The following HERC3 variants were observed in gnomAD, a reference collection of about 807,000 sequenced individuals.
The protein encoded by HERC3 is HECT and RLD domain containing E3 ubiquitin protein ligase 3.
HERC3 carries 58 observed loss-of-function variants against 129.9 expected under a neutral mutation model. The observed-to-expected ratio is 0.45, with a 90% CI of 0.36 to 0.56. The LOEUF (loss-of-function observed/expected upper bound fraction) is 0.56, where lower values mean the gene tolerates loss of function less well. Ranked by LOEUF, HERC3 falls within the 20% of genes least tolerant of loss-of-function variation. The pLI, the probability that HERC3 is intolerant of heterozygous loss-of-function variation, is 0.00. For missense variants in HERC3, 835 were observed against 1,244.2 expected (o/e 0.67, Z 4.95); for synonymous variants, 430 against 451.0 (o/e 0.95, Z 0.59).
intron 11 of HERC3, among the ~76,000 whole-genome samples, chr4:88,663,643 A>G (rs1302953906): frequency 6.6e-6 from 1 of 152,156 alleles, no homozygotes; most frequent in East Asian, 1.9e-4. Context: ...GGGCCCTCAG[A>G]ATTAGCTGTT....
intron 20 of HERC3, chr4:88,680,932 T>A: frequency 1.4e-6 from 1 of 731,304 alleles, no homozygotes; most frequent in Non-Finnish European, 1.7e-6. Flanking sequence ...TCTAGATGAC[T>A]GTGAGCTGTT....
chr4:88,574,989 T>TA, the HERC3 span, among the ~76,000 whole-genome samples: 1 of 152,166 alleles, frequency 6.6e-6, no homozygotes, highest in Non-Finnish European at 1.5e-5. Context: ...TTCAGAATAT[T>TA]AAAAAAACTT....
chr4:88,681,386 T>G, intron 21 of HERC3, 61 bp downstream of exon 21: 1 of 1,424,610 alleles, frequency 7.0e-7, no homozygotes, highest in Non-Finnish European at 9.7e-7. Flanking sequence ...GCATGAGGAT[T>G]AAAGGTTGAA....
chr4:88,675,749 G>T (rs957514934), intron 16 of HERC3, among the ~76,000 whole-genome samples: 3 of 151,602 alleles, frequency 2.0e-5, no homozygotes, highest in South Asian at 4.2e-4. Flanking sequence ...TTTTTAGAAA[G>T]ACCTGAAATT....
intron 2 of HERC3, among the ~76,000 whole-genome samples, chr4:88,602,075 A>G (rs1348566463): frequency 6.9e-6 from 1 of 144,848 alleles, no homozygotes; most frequent in Non-Finnish European, 1.5e-5. Flanking sequence ...AAAAAAAAAG[A>G]AAAGGATATT....
chr4:88,556,280 C>T, the HERC3 span, among the ~76,000 whole-genome samples: 2 of 152,172 alleles, frequency 1.3e-5, no homozygotes, highest in Non-Finnish European at 2.9e-5. Flanking sequence ...TGAATACTAG[C>T]ACCTGTTTAG....
At chr4:88,663,570 T>C (rs1730730453) in intron 11 of HERC3, among the ~76,000 whole-genome samples, 1 of 152,250 alleles carries the variant, frequency 6.6e-6, no homozygotes, top group Admixed American at 6.5e-5. Flanking sequence ...ATTTGTGTTA[T>C]TCTTTCCCTT....
At chr4:88,667,060 T>G (rs551143215) in intron 12 of HERC3, among the ~76,000 whole-genome samples, 1 of 152,300 alleles carries the variant, frequency 6.6e-6, no homozygotes, top group African/African-American at 2.4e-5. Flanking sequence ...AAATAATTAT[T>G]TGTTTATAAA....
the HERC3 span, among the ~76,000 whole-genome samples, chr4:88,555,040 C>T: frequency 6.6e-6 from 1 of 152,036 alleles, no homozygotes; most frequent in East Asian, 1.9e-4. Flanking sequence ...AATCCCAGCC[C>T]TTTGGGAGGC....
At chr4:88,561,707 C>A in the HERC3 span, among the ~76,000 whole-genome samples, 1 of 152,054 alleles carries the variant, frequency 6.6e-6, no homozygotes, top group South Asian at 2.1e-4. Flanking sequence ...CTGTCCATCT[C>A]CATGAGTTCA....
the HERC3 span, among the ~76,000 whole-genome samples, chr4:88,574,400 G>GTTA: frequency 0.25 from 37,497 of 151,932 alleles, 8,003 homozygotes; most frequent in African/African-American, 0.57. Flanking sequence ...TTAGTTAATA[G>GTTA]TTATTATTTT....
the HERC3 span, among the ~76,000 whole-genome samples, chr4:88,565,166 C>G: frequency 6.6e-6 from 1 of 151,930 alleles, no homozygotes; most frequent in African/African-American, 2.4e-5. Flanking sequence ...TATGTTCTAT[C>G]CTTGAGAATG....
chr4:88,632,426 A>G (rs1002119508), intron 3 of HERC3, among the ~76,000 whole-genome samples: 1 of 152,272 alleles, frequency 6.6e-6, no homozygotes, highest in East Asian at 1.9e-4. Context: ...GAAAATTTCA[A>G]CTTGCATGGG....
At chr4:88,679,413 T>C (rs1347767867) in intron 19 of HERC3, among the ~76,000 whole-genome samples, 1 of 152,174 alleles carries the variant, frequency 6.6e-6, no homozygotes, top group African/African-American at 2.4e-5. Flanking sequence ...ATCATTTTTT[T>C]CTATGTGCCA....
chr4:88,602,285 C>T (rs1449826825), intron 2 of HERC3, among the ~76,000 whole-genome samples: 1 of 150,714 alleles, frequency 6.6e-6, no homozygotes, highest in Non-Finnish European at 1.5e-5. Flanking sequence ...GCCTGTAATC[C>T]CAGCTACTTG....
At chr4:88,628,568 T>C (rs901864263) in intron 3 of HERC3, among the ~76,000 whole-genome samples, 1 of 152,128 alleles carries the variant, frequency 6.6e-6, no homozygotes, top group African/African-American at 2.4e-5. Flanking sequence ...ATTTCAGAGA[T>C]AAAATAGATG....
intron 23 of HERC3, chr4:88,697,162 GC>G (rs1734681229): frequency 6.9e-7 from 1 of 1,456,670 alleles, no homozygotes; most frequent in African/African-American, 1.4e-5. Flanking sequence ...ACAAAACCAG[GC>G]TTTTTTCTTC....
At chr4:88,651,505 C>G (rs187280691) in intron 4 of HERC3, among the ~76,000 whole-genome samples, 1 of 152,146 alleles carries the variant, frequency 6.6e-6, no homozygotes. Context: ...ATGTACCTTA[C>G]AGGGTTATGG....
chr4:88,542,492 G>C, the HERC3 span, among the ~76,000 whole-genome samples: 1 of 152,102 alleles, frequency 6.6e-6, no homozygotes, highest in African/African-American at 2.4e-5. Flanking sequence ...ATTCACAGCC[G>C]AATTGTACCA....
Sources: allele counts gnomAD v4.1 joint callset (sites outside exome capture counted in the v4.1 genomes callset), GRCh38; gene constraint gnomAD v4.1.1; transcripts MANE v1.5; gene names NCBI Gene and HGNC (gene_info 2026-07-23, HGNC 2026-07-21).